Variants in EDA observed in about 807,000 individuals in gnomAD.
EDA encodes the protein ectodysplasin-A.
EDA carries 2 observed loss-of-function variants against 23.6 expected under a neutral mutation model. The ratio of observed to expected loss-of-function variants is 0.08; its 90% CI spans 0.03 to 0.27. The LOEUF (loss-of-function observed/expected upper bound fraction) is 0.27, where lower values mean the gene tolerates loss of function less well. Ranked by LOEUF, EDA falls within the 10% of genes least tolerant of loss-of-function variation. The pLI, the probability that EDA is intolerant of heterozygous loss-of-function variation, is 1.00. For missense variants in EDA, 229 were observed against 324.2 expected (o/e 0.71, Z 2.26); for synonymous variants, 131 against 132.0 (o/e 0.99, Z 0.05).
At chrX:69,691,316 C>G (rs1037347741) in intron 1 of EDA, among the ~76,000 whole-genome samples, 4 of 111,937 alleles carry the variant, frequency 3.6e-5, no homozygotes, top group African/African-American at 1.3e-4. Context: ...TTGTACCTTT[C>G]AGTAAATGCT....
chrX:69,663,320 T>C, intron 1 of EDA, among the ~76,000 whole-genome samples: 1 of 112,201 alleles, frequency 8.9e-6, no homozygotes. Context: ...GCCCAGGGAC[T>C]TGGTGTCCTG....
At chrX:69,788,405 T>C (rs2147465010) in intron 1 of EDA, among the ~76,000 whole-genome samples, 1 of 112,241 alleles carries the variant, frequency 8.9e-6, no homozygotes, top group South Asian at 3.7e-4. Flanking sequence ...GCTCTGTTTT[T>C]TTCCCATCTT....
intron 1 of EDA, among the ~76,000 whole-genome samples, chrX:69,632,330 C>T (rs766662581): frequency 1.3e-4 from 15 of 112,024 alleles, no homozygotes; most frequent in Non-Finnish European, 2.6e-4. Flanking sequence ...CAATCACCCT[C>T]TTGCAATTAC....
intron 2 of EDA, among the ~76,000 whole-genome samples, chrX:69,975,187 C>A (rs1033720343): frequency 8.0e-5 from 9 of 111,982 alleles, no homozygotes; most frequent in African/African-American, 2.6e-4. Flanking sequence ...CAGCACTCTT[C>A]ACAATAGCAA....
chrX:69,732,050 C>A, intron 1 of EDA, among the ~76,000 whole-genome samples: 1 of 110,310 alleles, frequency 9.1e-6, no homozygotes, highest in South Asian at 3.8e-4. Flanking sequence ...ATTCTGTTGA[C>A]ATGGTAATCT....
At chrX:69,726,584 G>A (rs1441055007) in intron 1 of EDA, among the ~76,000 whole-genome samples, 3 of 112,614 alleles carry the variant, frequency 2.7e-5, no homozygotes, top group Non-Finnish European at 3.8e-5. Context: ...GGCTTACCAG[G>A]TATGTTAGTT....
chrX:69,982,614 A>T (rs1478851421), intron 2 of EDA, among the ~76,000 whole-genome samples: 1 of 111,423 alleles, frequency 9.0e-6, no homozygotes, highest in African/African-American at 3.3e-5. Context: ...TGCTCTGCAG[A>T]TTTTTTTTCT....
At chrX:69,624,775 G>C (rs1320312468) in intron 1 of EDA, among the ~76,000 whole-genome samples, 3 of 105,477 alleles carry the variant, frequency 2.8e-5, no homozygotes, top group Non-Finnish European at 5.8e-5. Context: ...AGCTTCATGA[G>C]TCTGTCAGAA....
chrX:69,914,520 G>T (rs1202966), intron 1 of EDA, among the ~76,000 whole-genome samples: 52,609 of 110,021 alleles, frequency 0.48, 11,545 homozygotes, highest in Middle Eastern at 0.69. Flanking sequence ...TACATATTTT[G>T]GGGGTCCATA....
intron 1 of EDA, chrX:69,687,757 T>A (rs1185635524): frequency 9.0e-6 from 1 of 111,643 alleles, no homozygotes; most frequent in Non-Finnish European, 1.9e-5. Context: ...TTGGCAAGCC[T>A]GTACAACCTG....
At chrX:69,732,509 T>C (rs999875179) in intron 1 of EDA, among the ~76,000 whole-genome samples, 2 of 112,393 alleles carry the variant, frequency 1.8e-5, no homozygotes, top group Admixed American at 1.9e-4. Flanking sequence ...TTGTTCAACA[T>C]TTGTGTTGGT....
chrX:69,979,177 C>T (rs1313577636), intron 2 of EDA, among the ~76,000 whole-genome samples: 1 of 111,896 alleles, frequency 8.9e-6, no homozygotes, highest in Non-Finnish European at 1.9e-5. Flanking sequence ...TTGTGTCTGG[C>T]TTACTTTCCT....
intron 2 of EDA, among the ~76,000 whole-genome samples, chrX:70,010,301 A>G (rs1433719208): frequency 1.8e-5 from 2 of 112,418 alleles, no homozygotes; most frequent in Non-Finnish European, 3.8e-5. Context: ...GCACGCATAC[A>G]TTAAAGATTG....
intron 1 of EDA, among the ~76,000 whole-genome samples, chrX:69,778,717 T>A (rs2014857347): frequency 9.0e-6 from 1 of 111,305 alleles, no homozygotes; most frequent in African/African-American, 3.3e-5. Context: ...TAGGGTAACC[T>A]CCTATTTGAG....
intron 1 of EDA, among the ~76,000 whole-genome samples, chrX:69,624,583 ATC>A (rs1471568840): frequency 9.0e-6 from 1 of 111,386 alleles, no homozygotes; most frequent in African/African-American, 3.3e-5. Context: ...GCAATCTCAC[ATC>A]TCCTTAATTC....
intron 1 of EDA, among the ~76,000 whole-genome samples, chrX:69,734,948 T>C (rs1180677805): frequency 1.8e-5 from 2 of 111,380 alleles, no homozygotes; most frequent in African/African-American, 6.5e-5. Context: ...GCAACCATTA[T>C]GGAAAACAGG....
intron 1 of EDA, among the ~76,000 whole-genome samples, chrX:69,714,868 C>G (rs1012698892): frequency 1.3e-4 from 14 of 110,086 alleles, no homozygotes; most frequent in Non-Finnish European, 2.5e-4. Context: ...TCTACCTATT[C>G]TGGGGCCTGT....
At chrX:69,816,948 T>A (rs891751013) in intron 1 of EDA, among the ~76,000 whole-genome samples, 3 of 110,606 alleles carry the variant, frequency 2.7e-5, no homozygotes, top group Admixed American at 9.6e-5. Context: ...GAAAAAATGT[T>A]AAGTGCAGCC....
At chrX:69,827,462 A>T (rs1392813525) in intron 1 of EDA, among the ~76,000 whole-genome samples, 1 of 111,028 alleles carries the variant, frequency 9.0e-6, no homozygotes, top group Non-Finnish European at 1.9e-5. Context: ...ATCTTCCATC[A>T]CTGATACCCT....
Sources: allele counts gnomAD v4.1 joint callset (sites outside exome capture counted in the v4.1 genomes callset), GRCh38; gene constraint gnomAD v4.1.1; transcripts MANE v1.5; gene names NCBI Gene and HGNC (gene_info 2026-07-23, HGNC 2026-07-21).